FLT1: variants seen among roughly 807,000 people sequenced by gnomAD.
FLT1 encodes the protein vascular endothelial growth factor receptor 1.
A neutral mutation model predicts 156.3 loss-of-function variants in FLT1; 49 were observed. That is an observed-to-expected ratio of 0.31 (90% CI 0.25 to 0.40). The LOEUF is 0.40. Ranked by LOEUF, FLT1 falls within the 10% of genes least tolerant of loss-of-function variation. The pLI is 1.00. For missense variants in FLT1, 1,322 were observed against 1,637.2 expected, an observed-to-expected ratio of 0.81 and a Z score of 3.32; for synonymous variants, 594 against 583.8, an observed-to-expected ratio of 1.02 and a Z score of -0.25.
At position 28,372,076 on chromosome 13, in the gene FLT1, A is replaced by AT. The variant is rs56114428; in HGVS notation, c.2116+12808dup. Among the ~76,000 whole-genome samples, 32 of 11,758 alleles carry AT rather than the reference A, an allele frequency of 2.7e-3. 2 individuals carry two copies. The highest frequency in any genetic ancestry group is 6.7e-3 in the African/African-American group (21 of 3,154). 7.7% of individuals were successfully genotyped at this position (11,758 alleles called of 152,430 possible). ...TATATATATATATATATATATATAT[A>AT]TTTTTTTTTTTTTTTTTTTTTTTGA... On this transcript the variant is annotated intron_variant, in intron 14 of 29. Coordinates refer to ENST00000282397, the MANE Select transcript of FLT1 (RefSeq NM_002019.4).
At chr13:28,468,784 G>A (rs1026439643) in intron 1 of FLT1, among the ~76,000 whole-genome samples, 11 of 152,154 alleles carry the variant, frequency 7.2e-5, no homozygotes, top group Non-Finnish European at 1.3e-4. Flanking sequence ...GGCCTCACTG[G>A]AAGGCAAGCA....
intron 1 of FLT1, among the ~76,000 whole-genome samples, chr13:28,480,263 T>C (rs769324834): frequency 3.9e-5 from 6 of 152,180 alleles, no homozygotes; most frequent in Admixed American, 1.3e-4. Flanking sequence ...AACCTCAACA[T>C]TTATTCTTTC....
At chr13:28,437,882 ACT>A (rs1593792747) in intron 4 of FLT1, among the ~76,000 whole-genome samples, 1 of 152,012 alleles carries the variant, frequency 6.6e-6, no homozygotes, top group African/African-American at 2.4e-5. Flanking sequence ...TGGATAATCC[ACT>A]CTCTGCAAAG....
At chr13:28,341,153 G>A (rs76556543) in intron 16 of FLT1, among the ~76,000 whole-genome samples, 6,297 of 152,236 alleles carry the variant, frequency 0.041, 193 homozygotes, top group Non-Finnish European at 0.063. Context: ...GGGAATAGGC[G>A]GTGGTAGGCA....
At chr13:28,479,772 T>C (rs779719577) in intron 1 of FLT1, among the ~76,000 whole-genome samples, 1 of 152,230 alleles carries the variant, frequency 6.6e-6, no homozygotes, top group Non-Finnish European at 1.5e-5. Context: ...TCAGGGGATA[T>C]ATACCCATAC....
intron 10 of FLT1, among the ~76,000 whole-genome samples, chr13:28,424,881 C>A (rs771649996): frequency 1.1e-4 from 17 of 152,142 alleles, no homozygotes; most frequent in Admixed American, 3.9e-4. Context: ...AAATTCCTGT[C>A]TACAACTGAA....
intron 13 of FLT1, chr13:28,385,403 AATG>A: frequency 1.6e-6 from 1 of 641,380 alleles, no homozygotes; most frequent in South Asian, 3.5e-5. Flanking sequence ...ATAGTCTTGT[AATG>A]ATTTTTATAT....
At chr13:28,348,408 T>A (rs750030079) in intron 15 of FLT1, among the ~76,000 whole-genome samples, 18 of 152,210 alleles carry the variant, frequency 1.2e-4, no homozygotes, top group Non-Finnish European at 2.5e-4. Context: ...TCCTCCCACT[T>A]GCTTCAGTCA....
rs137937875 is a variant in FLT1 at position 28,302,599 on chromosome 13, C to T, written c.*568G>A. 6.0e-5 allele frequency: 14 copies of T among 234,410 alleles called. No individual in the cohort carries two copies. The highest frequency in any genetic ancestry group is 2.2e-4 in the African/African-American group (10 of 45,470). The allele number at this position is 234,410 out of a possible 1,614,324, so 14.5% of individuals were successfully genotyped here. A position where few individuals can be genotyped will look rare whatever the true frequency, so the allele number is the denominator to read the frequency against. ...CCACTGAAATGGCATTGCTGAGCCC[C>T]GTCCCCCTCCGTGCCCACATGGTGC... is the stretch of plus-strand genomic sequence containing the variant. On this transcript the variant is annotated 3_prime_UTR_variant, in exon 30 of 30. Coordinates refer to ENST00000282397, the MANE Select transcript of FLT1 (RefSeq NM_002019.4).
intron 27 of FLT1, 102 bp downstream of exon 27, chr13:28,311,488 C>T (rs553506040): frequency 3.1e-5 from 31 of 1,006,788 alleles, no homozygotes; most frequent in Non-Finnish European, 4.6e-5. Context: ...CTTTCTTTCT[C>T]TCTTTCTTTC....
intron 18 of FLT1, among the ~76,000 whole-genome samples, chr13:28,330,156 C>T (rs889431237): frequency 6.6e-6 from 1 of 152,264 alleles, no homozygotes; most frequent in Non-Finnish European, 1.5e-5. Context: ...GCACAAGGGG[C>T]CTGCCAGGGC....
chr13:28,468,156 C>G (rs143262183), intron 1 of FLT1, among the ~76,000 whole-genome samples: 2 of 152,222 alleles, frequency 1.3e-5, no homozygotes, highest in African/African-American at 4.8e-5. Context: ...CAATCATTTC[C>G]CTTTCTGAAC....
chr13:28,360,096 C>A (rs1028561560), intron 14 of FLT1, among the ~76,000 whole-genome samples: 3 of 151,982 alleles, frequency 2.0e-5, no homozygotes, highest in Non-Finnish European at 2.9e-5. Context: ...GGTGACAGAG[C>A]GAGACTTTGT....
At chr13:28,407,966 A>G (rs1364301262) in intron 10 of FLT1, among the ~76,000 whole-genome samples, 1 of 152,174 alleles carries the variant, frequency 6.6e-6, no homozygotes, top group African/African-American at 2.4e-5. Context: ...TATCTTTCAC[A>G]CACTCGTATT....
rs1279174159 is a variant in FLT1, at chr13:28,433,842, T to C, written c.790A>G (p.Met264Val). Residue 264 changes from methionine to valine, a missense_variant, in exon 6 of 30, where the codon ATG becomes GTG. Around this residue, in one of 3 missense-constraint regions of FLT1, gnomAD observed 991 missense variants for 1,254.8 expected, o/e 0.79. Transcript: ENST00000282397. ...ATTPLNTRVQ[M>V]TWSYPDEKNK... ...ACTTCATCAGGGTAACTCCAGGTCA[T>C]TTGAACTCTCGTGTTCAAGGGAGTG... 1.2e-6 allele frequency: 2 copies of C among 1,613,738 alleles called. No homozygotes were observed. Among genetic ancestry groups the C allele is most frequent in the African/African-American group, 2.7e-5 (2 of 74,920 alleles).
At chr13:28,336,887 ACAGG>A (rs1185362950) in intron 17 of FLT1, among the ~76,000 whole-genome samples, 1 of 151,626 alleles carries the variant, frequency 6.6e-6, no homozygotes, top group Non-Finnish European at 1.5e-5. Flanking sequence ...AGCTGGGACT[ACAGG>A]CACGCGCCAC....
At chr13:28,335,265 C>T (rs1206901923) in intron 17 of FLT1, among the ~76,000 whole-genome samples, 1 of 151,994 alleles carries the variant, frequency 6.6e-6, no homozygotes, top group Non-Finnish European at 1.5e-5. Flanking sequence ...TGACAGAATA[C>T]CACTGGTTGG....
intron 1 of FLT1, among the ~76,000 whole-genome samples, chr13:28,482,482 A>G (rs886217070): frequency 4.7e-4 from 72 of 151,742 alleles, no homozygotes; most frequent in African/African-American, 1.5e-3. Flanking sequence ...AAATAAATAA[A>G]TAAATAATAA....
At chr13:28,314,421 A>G (rs1227433676) in intron 25 of FLT1, among the ~76,000 whole-genome samples, 1 of 152,210 alleles carries the variant, frequency 6.6e-6, no homozygotes, top group African/African-American at 2.4e-5. Context: ...AAAAAAATTC[A>G]TTGCTTATTC....
Sources: gnomAD v4.1 joint callset for allele counts (sites outside exome capture counted in the v4.1 genomes callset) on GRCh38, gnomAD v4.1.1 for gene constraint, gnomAD v4.1.1 regional missense constraint, MANE v1.5 for transcripts, NCBI Gene and HGNC (gene_info 2026-07-23, HGNC 2026-07-21) for gene names.